PLXNA4: variants seen among roughly 807,000 people sequenced by gnomAD.
The protein encoded by PLXNA4 is plexin A4, also known as plexin-A4.
In PLXNA4, 44 loss-of-function variants were observed where a neutral mutation model predicts 191.8. The ratio of observed to expected loss-of-function variants is 0.23; its 90% CI spans 0.18 to 0.29. The LOEUF is 0.29. Among genes scored for constraint, PLXNA4 ranks in the 10% least tolerant of loss-of-function variants. The pLI, the probability that PLXNA4 is intolerant of heterozygous loss-of-function variation, is 1.00. For synonymous variants in PLXNA4, 1,082 were observed against 1,009.5 expected, an observed-to-expected ratio of 1.07 and a Z score of -1.36; for missense variants, 1,800 against 2,488.8, an observed-to-expected ratio of 0.72 and a Z score of 5.89.
rs115624771 is a variant in PLXNA4 at position 132,201,234 on chromosome 7, C to G, written c.2586+1412G>C. ...CCTCAGGAGGAACCGACCCTGCCAACACCTTGATCTTGACCGTCTACCTCC... is the reference window on the plus strand; with the variant it reads ...CCTCAGGAGGAACCGACCCTGCCAAGACCTTGATCTTGACCGTCTACCTCC... On this transcript the variant is annotated intron_variant, in intron 12 of 31. Coordinates refer to ENST00000321063, the MANE Select transcript of PLXNA4 (RefSeq NM_020911.2). Among the ~76,000 whole-genome samples the G allele has an allele frequency of 7.4e-3, 1,132 of 152,146 alleles. 18 individuals carry two copies. The highest frequency in any genetic ancestry group is 0.026 in the African/African-American group (1,066 of 41,552).
chr7:132,234,686 T>C (rs2117011217), intron 5 of PLXNA4, among the ~76,000 whole-genome samples: 1 of 151,902 alleles, frequency 6.6e-6, no homozygotes, highest in Non-Finnish European at 1.5e-5. Context: ...CCCATTTCCT[T>C]AAGTCATACT....
chr7:132,441,602 C>T (rs1411234947), intron 3 of PLXNA4, among the ~76,000 whole-genome samples: 1 of 152,224 alleles, frequency 6.6e-6, no homozygotes. Flanking sequence ...GCACTAAGCT[C>T]AGTGTTTTTA....
At chr7:132,313,283 G>A (rs1018543715) in intron 3 of PLXNA4, among the ~76,000 whole-genome samples, 6 of 152,198 alleles carry the variant, frequency 3.9e-5, no homozygotes, top group African/African-American at 9.7e-5. Flanking sequence ...ATTGGATGGT[G>A]GGAGTCTGAG....
intron 3 of PLXNA4, among the ~76,000 whole-genome samples, chr7:132,387,440 G>A (rs1805198481): frequency 6.6e-6 from 1 of 152,342 alleles, no homozygotes; most frequent in South Asian, 2.1e-4. Context: ...GGAGAGCAGA[G>A]GGGGATGTAA....
chr7:132,323,086 C>T (rs558481732), intron 3 of PLXNA4, among the ~76,000 whole-genome samples: 5 of 152,264 alleles, frequency 3.3e-5, no homozygotes, highest in East Asian at 1.9e-4. Flanking sequence ...GGAAAAGATC[C>T]GTTGGGGGAG....
chr7:132,615,249 G>A (rs1441028847), intron 2 of PLXNA4, among the ~76,000 whole-genome samples: 1 of 152,158 alleles, frequency 6.6e-6, no homozygotes, highest in Non-Finnish European at 1.5e-5. Flanking sequence ...TTTTGAGCCT[G>A]TGGCTGGGAA....
chr7:132,408,221 G>A (rs1320211845), intron 3 of PLXNA4, among the ~76,000 whole-genome samples: 2 of 152,076 alleles, frequency 1.3e-5, no homozygotes, highest in African/African-American at 4.8e-5. Context: ...AAAAAGTGGG[G>A]AAGTTAGTTG....
chr7:132,145,162 C>T lies in PLXNA4; in HGVS notation c.5182G>A (p.Gly1728Ser). The stretch of plus-strand genomic sequence containing the variant: ...TGGCGGACGTGCGGGTCATGAATGC[C>T]ATGTTTATCAGCCTGCTCATCCAGG... ...DFLDEQADKH[G>S]IHDPHVRHTW... is the part of the protein sequence containing the mutation. The change falls in exon 29 of 32, where the codon GGC becomes AGC. Residue 1728 changes from glycine to serine, a missense_variant. Physicochemically the swap from Gly to Ser is moderately conservative, Grantham distance 56. Transcript: ENST00000321063. 1 of 1,614,182 alleles carries T rather than the reference C, an allele frequency of 6.2e-7. No homozygotes were observed. The highest frequency in any genetic ancestry group is 8.5e-7 in the Non-Finnish European group (1 of 1,180,040).
intron 3 of PLXNA4, 130 bp downstream of exon 3, chr7:132,489,162 G>A (rs77446756): frequency 1.5e-5 from 14 of 922,770 alleles, no homozygotes; most frequent in South Asian, 8.0e-5. Context: ...CAACAGCAGC[G>A]TATCTCCTTA....
intron 3 of PLXNA4, among the ~76,000 whole-genome samples, chr7:132,349,872 T>C (rs1411751327): frequency 6.6e-6 from 1 of 152,188 alleles, no homozygotes; most frequent in Non-Finnish European, 1.5e-5. Flanking sequence ...CCGTCCTTTT[T>C]TTTAAGTATA....
At chr7:132,356,948 G>T (rs1197570788) in intron 3 of PLXNA4, among the ~76,000 whole-genome samples, 1 of 151,742 alleles carries the variant, frequency 6.6e-6, no homozygotes, top group Non-Finnish European at 1.5e-5. Flanking sequence ...GGATGAGGAA[G>T]ACAGAGGGGC....
chr7:132,160,513 C>T (rs115348119), intron 24 of PLXNA4, among the ~76,000 whole-genome samples: 125 of 152,264 alleles, frequency 8.2e-4, no homozygotes, highest in African/African-American at 2.8e-3. Context: ...TCTACATCGA[C>T]GGCACCGTGT....
chr7:132,506,983 A>G (rs1472951373), intron 2 of PLXNA4, among the ~76,000 whole-genome samples: 1 of 152,202 alleles, frequency 6.6e-6, no homozygotes, highest in Non-Finnish European at 1.5e-5. Flanking sequence ...TTTCCTAAAG[A>G]CATACAAAGG....
chr7:132,140,412 C>T (rs13240537), intron 30 of PLXNA4, among the ~76,000 whole-genome samples, 187 bp downstream of exon 30: 1 of 152,098 alleles, frequency 6.6e-6, no homozygotes, highest in South Asian at 2.1e-4. Flanking sequence ...GCCAAGTTTT[C>T]CTATTCTGGT....
chr7:132,374,943 T>C (rs1330874441), intron 3 of PLXNA4, among the ~76,000 whole-genome samples: 2 of 152,222 alleles, frequency 1.3e-5, no homozygotes, highest in Non-Finnish European at 2.9e-5. Context: ...TGTGTGTTCT[T>C]TTCAAGGTGT....
chr7:132,463,709 G>A (rs1796598962), intron 3 of PLXNA4, among the ~76,000 whole-genome samples: 1 of 152,132 alleles, frequency 6.6e-6, no homozygotes, highest in African/African-American at 2.4e-5. Context: ...ACACCATGAG[G>A]GCCACTGTCT....
intron 30 of PLXNA4, among the ~76,000 whole-genome samples, chr7:132,133,486 G>A (rs565109221): frequency 2.4e-4 from 37 of 152,206 alleles, no homozygotes; most frequent in East Asian, 2.3e-3. Context: ...GTCCCAACTC[G>A]GGCATCCTCT....
chr7:132,641,829 A>G (rs921269365), intron 2 of PLXNA4, among the ~76,000 whole-genome samples: 2 of 152,180 alleles, frequency 1.3e-5, no homozygotes, highest in African/African-American at 4.8e-5. Context: ...GGACGACAAC[A>G]TAAGTACCCA....
chr7:132,475,961 A>G (rs531028773), intron 3 of PLXNA4, among the ~76,000 whole-genome samples: 6 of 152,148 alleles, frequency 3.9e-5, no homozygotes, highest in Non-Finnish European at 8.8e-5. Flanking sequence ...CAGAGAGAAC[A>G]TGAGGGAGGT....
Sources: allele counts gnomAD v4.1 joint callset (sites outside exome capture counted in the v4.1 genomes callset), GRCh38; gene constraint gnomAD v4.1.1; transcripts MANE v1.5; gene names NCBI Gene and HGNC (gene_info 2026-07-23, HGNC 2026-07-21).